Variants in RNPEP observed in about 807,000 individuals in gnomAD.
RNPEP encodes aminopeptidase B.
A neutral mutation model predicts 70.1 loss-of-function variants in RNPEP; 57 were observed. The ratio of observed to expected loss-of-function variants is 0.81; its 90% CI spans 0.66 to 1.01. The LOEUF (loss-of-function observed/expected upper bound fraction) is 1.01, where lower values mean the gene tolerates loss of function less well. Ranked by LOEUF, RNPEP falls within the 50% of genes least tolerant of loss-of-function variation. RNPEP has a pLI of 0.00. For missense variants in RNPEP, 787 were observed against 852.4 expected, an observed-to-expected ratio of 0.92 and a Z score of 0.96; for synonymous variants, 335 against 357.4, an observed-to-expected ratio of 0.94 and a Z score of 0.71.
intron 1 of RNPEP, among the ~76,000 whole-genome samples, chr1:201,985,755 C>A (rs1396696071): frequency 2.6e-5 from 4 of 152,252 alleles, no homozygotes; most frequent in African/African-American, 9.6e-5. Context: ...AATTAATAAA[C>A]CAGTACCGAT....
intron 6 of RNPEP, 184 bp from the exon 7 acceptor site, chr1:202,001,192 G>C: frequency 1.7e-6 from 1 of 592,914 alleles, no homozygotes; most frequent in Non-Finnish European, 3.0e-6. Flanking sequence ...AGAGAGTCTT[G>C]GCCTTGAGAG....
intron 4 of RNPEP, among the ~76,000 whole-genome samples, chr1:201,997,018 C>A (rs926771627): frequency 6.6e-6 from 1 of 152,068 alleles, no homozygotes; most frequent in Non-Finnish European, 1.5e-5. Flanking sequence ...TGTGATGGAG[C>A]TGATAATACA....
rs750246340 is a variant in RNPEP, at chr1:202,001,427, G to T, written c.1256G>T (p.Cys419Phe). 8 of 1,613,996 alleles carry T rather than the reference G, an allele frequency of 5.0e-6. No individual in the cohort carries two copies. Among genetic ancestry groups the T allele is most frequent in the Admixed American group, 3.3e-5 (2 of 60,024 alleles). ...YNETPYEKGF[C>F]FVSYLAHLVG... ...GAGACCCCCTACGAGAAAGGTTTCT[G>T]CTTTGTTTCATACCTGGCCCACTTG... Residue 419 changes from cysteine (C) to phenylalanine (F), a missense_variant, in exon 7 of 11, where the codon TGC becomes TTC. Physicochemically the swap from Cys to Phe is radical, Grantham distance 205 (BLOSUM62 -2). Coordinates refer to ENST00000295640, the MANE Select transcript of RNPEP (RefSeq NM_020216.4).
At chr1:202,002,462 G>T (rs945285626) in intron 8 of RNPEP, among the ~76,000 whole-genome samples, 2 of 152,180 alleles carry the variant, frequency 1.3e-5, no homozygotes, top group Non-Finnish European at 2.9e-5. Context: ...GTGCCCAGCC[G>T]CCAGTTTCTG....
intron 1 of RNPEP, chr1:201,983,418 G>C (rs1384029269): frequency 6.8e-7 from 1 of 1,476,168 alleles, no homozygotes; most frequent in Non-Finnish European, 9.1e-7. Flanking sequence ...CCGCATTCCC[G>C]CTCATCGCAC....
rs1267928885 is a variant in RNPEP, at chr1:201,999,405, G to T, written c.1091-497G>T. ...AATACAAAAATTAGCTGGGCGTGGT[G>T]GTGCACACCTGTAATCCCGGCTACT... On this transcript the variant is annotated intron_variant, in intron 5 of 10. Coordinates refer to ENST00000295640, the MANE Select transcript of RNPEP (RefSeq NM_020216.4). 2.6e-5 allele frequency among the ~76,000 whole-genome samples: 4 copies of T among 151,796 alleles called. No homozygotes were observed. The East Asian group carries it at 7.7e-4, about 29-fold the overall frequency.
At chr1:202,005,446 C>T (rs1252758056) in intron 10 of RNPEP, 112 bp from the exon 11 acceptor site, 3 of 1,225,712 alleles carry the variant, frequency 2.4e-6, no homozygotes, top group Non-Finnish European at 3.5e-6. Flanking sequence ...GTGATGCCCA[C>T]ATCCCTTTTA....
At chr1:201,983,167 A>T (rs2102956079) in intron 1 of RNPEP, 54 bp downstream of exon 1, 1 of 1,419,032 alleles carries the variant, frequency 7.0e-7, no homozygotes, top group East Asian at 2.8e-5. Context: ...TCCGGCCCCC[A>T]GCCGCCCTGC....
At chr1:201,987,479 C>A (rs571696272) in intron 1 of RNPEP, among the ~76,000 whole-genome samples, 1 of 143,376 alleles carries the variant, frequency 7.0e-6, no homozygotes, top group African/African-American at 2.6e-5. Flanking sequence ...GCTCTGTCAC[C>A]CAGGCTGGAG....
intron 6 of RNPEP, 34 bp from the exon 7 acceptor site, chr1:202,001,342 A>C: frequency 6.8e-7 from 1 of 1,470,014 alleles, no homozygotes; most frequent in Non-Finnish European, 9.5e-7. Flanking sequence ...CAGGCTACAA[A>C]AGCTCAAATC....
intron 9 of RNPEP, among the ~76,000 whole-genome samples, chr1:202,003,826 C>A (rs759178104): frequency 6.6e-6 from 1 of 152,108 alleles, no homozygotes; most frequent in Non-Finnish European, 1.5e-5. Flanking sequence ...GGGAAGTAGG[C>A]GGTGTGATGT....
chr1:201,995,753 TCTC>T (rs1683522041), intron 3 of RNPEP: 1 of 169,144 alleles, frequency 5.9e-6, no homozygotes, highest in South Asian at 1.6e-4. Flanking sequence ...CTTTCTTATC[TCTC>T]CTCTAAGTAG....
Position 201,989,469 on chromosome 1 carries a change from C to A in RNPEP, c.675C>A (p.Pro225=), listed in dbSNP as rs761037859. 4.3e-6 allele frequency: 7 copies of A among 1,614,172 alleles called. No individual in the cohort carries two copies. In the Admixed American group the frequency reaches 1.2e-4, roughly 27 times the overall value. ...AGTTCTTCTTCCAGATGTGTCAGCC[C>A]ATCCCCTCCTATCTGATAGCTTTGG... ...PNKFFFQMCQ[P]IPSYLIALAI... is the part of the protein sequence containing the mutation. Residue 225 remains proline (P), a synonymous_variant, in exon 3 of 11, where the codon CCC becomes CCA. Transcript: ENST00000295640.
chr1:202,005,380 G>C (rs534946597), intron 10 of RNPEP, among the ~76,000 whole-genome samples, 178 bp from the exon 11 acceptor site: 1 of 152,116 alleles, frequency 6.6e-6, no homozygotes, highest in African/African-American at 2.4e-5. Context: ...GATCTCTGGC[G>C]CCCAAGAAGA....
chr1:201,987,427 ACTTTTTTTT>A, intron 1 of RNPEP, among the ~76,000 whole-genome samples: 1 of 104,354 alleles, frequency 9.6e-6, no homozygotes. Context: ...TTCAGATTTT[ACTTTTTTTT>A]TTTTTTTTTT....
chr1:202,003,059 T>C, intron 8 of RNPEP, 178 bp from the exon 9 acceptor site: 1 of 592,568 alleles, frequency 1.7e-6, no homozygotes, highest in Non-Finnish European at 3.0e-6. Flanking sequence ...AGTCTCTAGA[T>C]GTCGTTATAA....
In RNPEP at chr1:201,982,706, C is replaced by A; in HGVS notation, c.40C>A (p.Arg14=). 7.1e-7 allele frequency: 1 copy of A among 1,399,484 alleles called. No homozygotes were observed. Among genetic ancestry groups the A allele is most frequent in the Admixed American group, 3.1e-5 (1 of 32,754 alleles). 86.7% of individuals were successfully genotyped at this position (1,399,484 alleles called of 1,614,324 possible). A position where few individuals can be genotyped will look rare whatever the true frequency, so the allele number is the denominator to read the frequency against. Residue 14 remains arginine (R), a synonymous_variant, in exon 1 of 11, where the codon CGG becomes AGG. Coordinates refer to ENST00000295640, the MANE Select transcript of RNPEP (RefSeq NM_020216.4). ...GEHSPGSGAA[R]RPLHSAQAVD... The stretch of plus-strand genomic sequence containing the variant: ...GCATTCCCCCGGCAGCGGCGCGGCC[C>A]GGCGGCCGCTGCACTCCGCGCAGGC...
chr1:202,001,211 A>G (rs1297621431), intron 6 of RNPEP, 165 bp from the exon 7 acceptor site: 1 of 609,950 alleles, frequency 1.6e-6, no homozygotes, highest in African/African-American at 1.9e-5. Context: ...AGAGTCCAAG[A>G]TCTGGAGAGA....
Position 202,004,401 on chromosome 1 carries a change from C to T in RNPEP, c.1699C>T (p.Arg567Trp), listed in dbSNP as rs761920729. The T allele has an allele frequency of 1.3e-5, 21 of 1,613,994 alleles. No homozygotes were observed. The highest frequency in any genetic ancestry group is 4.5e-5 in the East Asian group (2 of 44,888). The change falls in exon 10 of 11, where the codon CGG (arginine) becomes TGG (tryptophan). Residue 567 changes from arginine (R) to tryptophan (W), a missense_variant. By Grantham distance (101) the Arg-to-Trp change is moderately radical. Transcript: ENST00000295640. ...CACATACCCAAGTATCTCAAATGCCCGGAATGCAGAGCTCCGGCTGCGATG... is the reference window on the plus strand; with the variant it reads ...CACATACCCAAGTATCTCAAATGCCTGGAATGCAGAGCTCCGGCTGCGATG... Reference protein sequence around the residue: ...GDTYPSISNARNAELRLRWGQ... With the variant: ...GDTYPSISNAWNAELRLRWGQ...
Sources: gnomAD v4.1 joint callset for allele counts (sites outside exome capture counted in the v4.1 genomes callset) on GRCh38, gnomAD v4.1.1 for gene constraint, MANE v1.5 for transcripts, NCBI Gene and HGNC (gene_info 2026-07-23, HGNC 2026-07-21) for gene names.